Variants in TTC7B observed in about 807,000 individuals in gnomAD.
TTC7B encodes the protein tetratricopeptide repeat protein 7B.
In TTC7B, 28 loss-of-function variants were observed where a neutral mutation model predicts 106.8. The ratio of observed to expected loss-of-function variants is 0.26; its 90% confidence interval spans 0.19 to 0.36. TTC7B has a LOEUF of 0.36. TTC7B is among the 10% of genes least tolerant of loss of function. The pLI is 1.00. For synonymous variants in TTC7B, 405 were observed against 430.6 expected, an observed-to-expected ratio of 0.94 and a Z score of 0.74; for missense variants, 862 against 1,076.4, an observed-to-expected ratio of 0.80 and a Z score of 2.79.
intron 5 of TTC7B, chr14:90,698,926 A>C (rs1456183032): frequency 6.4e-6 from 2 of 314,386 alleles, no homozygotes; most frequent in African/African-American, 4.5e-5. Flanking sequence ...ATGGGGACAT[A>C]GTCTACTCTT....
At chr14:90,719,386 T>A (rs1888793919) in intron 5 of TTC7B, among the ~76,000 whole-genome samples, 1 of 152,242 alleles carries the variant, frequency 6.6e-6, no homozygotes, top group African/African-American at 2.4e-5. Flanking sequence ...ACACTTCCTA[T>A]GATAAAAATG....
At chr14:90,552,486 T>G (rs1890128875) in intron 19 of TTC7B, among the ~76,000 whole-genome samples, 1 of 152,158 alleles carries the variant, frequency 6.6e-6, no homozygotes, top group South Asian at 2.1e-4. Context: ...CTCTCCCCAG[T>G]GACATGATGG....
chr14:90,715,453 C>T (rs1312463620), intron 5 of TTC7B, among the ~76,000 whole-genome samples: 2 of 152,174 alleles, frequency 1.3e-5, no homozygotes, highest in Non-Finnish European at 2.9e-5. Context: ...ACCCTCTACT[C>T]TGTAGGGTTT....
chr14:90,711,787 T>TA (rs1161593835), intron 5 of TTC7B, among the ~76,000 whole-genome samples: 2 of 152,106 alleles, frequency 1.3e-5, no homozygotes, highest in African/African-American at 4.8e-5. Flanking sequence ...AATGGTATAC[T>TA]AAAAAACTAT....
At chr14:90,654,115 A>G (rs534235851) in intron 12 of TTC7B, among the ~76,000 whole-genome samples, 1 of 152,312 alleles carries the variant, frequency 6.6e-6, no homozygotes, top group East Asian at 1.9e-4. Context: ...ACCATAAAGA[A>G]AAAATGAAGT....
intron 19 of TTC7B, among the ~76,000 whole-genome samples, chr14:90,568,408 G>T (rs545403157): frequency 6.6e-6 from 1 of 152,254 alleles, no homozygotes; most frequent in African/African-American, 2.4e-5. Flanking sequence ...GATTTTAAAT[G>T]ATTTTAGATC....
At chr14:90,562,732 C>A (rs1483122017) in intron 19 of TTC7B, among the ~76,000 whole-genome samples, 1 of 152,204 alleles carries the variant, frequency 6.6e-6, no homozygotes, top group African/African-American at 2.4e-5. Flanking sequence ...AACCATGTAA[C>A]CATATCCCAC....
At chr14:90,816,107 CT>C in intron 1 of TTC7B, 67 bp downstream of exon 1, 1 of 978,118 alleles carries the variant, frequency 1.0e-6, no homozygotes, top group Non-Finnish European at 1.2e-6. Flanking sequence ...CCGGCCGCGC[CT>C]CGGGGGCCCG....
At chr14:90,638,734 GA>G (rs934972481) in intron 15 of TTC7B, among the ~76,000 whole-genome samples, 2 of 152,172 alleles carry the variant, frequency 1.3e-5, no homozygotes, top group African/African-American at 4.8e-5. Flanking sequence ...GAGCTGATTT[GA>G]AAATTTATGT....
rs12434869 is a variant in TTC7B, at chr14:90,794,266, C to T, written c.122-7938G>A. 6.1e-3 allele frequency among the ~76,000 whole-genome samples: 843 copies of T among 138,744 alleles called. 5 individuals are homozygous for T. Among genetic ancestry groups the T allele is most frequent in the African/African-American group, 0.022 (781 of 36,070 alleles). 91.0% of individuals were successfully genotyped at this position (138,744 alleles called of 152,430 possible). A position where few individuals can be genotyped will look rare whatever the true frequency, so the allele number is the denominator to read the frequency against. On this transcript the variant is annotated intron_variant, in intron 1 of 19. Coordinates refer to ENST00000328459, the MANE Select transcript of TTC7B (RefSeq NM_001010854.2). Reference sequence around the variant, plus strand: ...ACGGAGTCTCGCTCTGTCACCAGGCCGGAGTGCTGGAGTGCAGTGGCGCAA... The same window carrying T: ...ACGGAGTCTCGCTCTGTCACCAGGCTGGAGTGCTGGAGTGCAGTGGCGCAA...
intron 5 of TTC7B, among the ~76,000 whole-genome samples, chr14:90,709,717 GA>G (rs1161986652): frequency 2.7e-5 from 4 of 150,704 alleles, no homozygotes; most frequent in East Asian, 3.9e-4. Flanking sequence ...TTCTCAACCT[GA>G]AAAAAAAGAA....
chr14:90,651,483 C>T (rs1263648821), intron 13 of TTC7B, among the ~76,000 whole-genome samples: 6 of 152,350 alleles, frequency 3.9e-5, no homozygotes, highest in Non-Finnish European at 7.3e-5. Context: ...ACCACTGTGG[C>T]TGTTTTTAGA....
intron 19 of TTC7B, among the ~76,000 whole-genome samples, chr14:90,576,538 C>A (rs1023317148): frequency 3.3e-5 from 5 of 152,200 alleles, no homozygotes; most frequent in Non-Finnish European, 7.3e-5. Flanking sequence ...TACTAGGTGC[C>A]AGGAACTCTG....
Position 90,644,154 on chromosome 14 carries a change from C to T in TTC7B, c.1645G>A (p.Ala549Thr), listed in dbSNP as rs775478530. The change falls in exon 15 of 20, where the codon GCC becomes ACC. Residue 549 changes from alanine (A) to threonine (T), a missense_variant. Transcript: ENST00000328459. Reference protein sequence around the residue: ...RQALQLQGDDANSLHLLALLL... With the variant: ...RQALQLQGDDTNSLHLLALLL... ...AGGGCAAGGAGGTGCAGGGAGTTGG[C>T]ATCGTCACCTTGAAGCTGAAGAGCT... 5 of 1,613,440 alleles carry T rather than the reference C, an allele frequency of 3.1e-6. No homozygotes were observed. In the African/African-American group the frequency reaches 6.7e-5, roughly 22 times the overall value.
chr14:90,665,616 T>C (rs1886380991), intron 9 of TTC7B, among the ~76,000 whole-genome samples: 1 of 152,218 alleles, frequency 6.6e-6, no homozygotes. Context: ...TGCATCCAAA[T>C]CCCACTGGGG....
intron 3 of TTC7B, among the ~76,000 whole-genome samples, chr14:90,779,937 A>G (rs1279375947): frequency 6.6e-6 from 1 of 152,234 alleles, no homozygotes; most frequent in African/African-American, 2.4e-5. Context: ...GTGTCAACTG[A>G]TTAGCCTTAA....
chr14:90,736,867 G>C (rs1889551215), intron 4 of TTC7B, among the ~76,000 whole-genome samples: 1 of 132,822 alleles, frequency 7.5e-6, no homozygotes, highest in Non-Finnish European at 1.5e-5. Flanking sequence ...ACTCCAGCCT[G>C]AGCAACAGAG....
chr14:90,654,306 A>T (rs1385484226), intron 12 of TTC7B, among the ~76,000 whole-genome samples: 2 of 152,228 alleles, frequency 1.3e-5, no homozygotes, highest in East Asian at 3.9e-4. Context: ...TGTTTCTGGG[A>T]TTTTTGTTTT....
rs148859637 is a variant in TTC7B at position 90,762,615 on chromosome 14, T to A, written c.446-17693A>T. On this transcript the variant is annotated intron_variant, in intron 3 of 19. Coordinates refer to ENST00000328459, the MANE Select transcript of TTC7B (RefSeq NM_001010854.2). The stretch of plus-strand genomic sequence containing the variant: ...GCTGATTTTGTCAATCAATTGCAAA[T>A]ATAGGAAGTATTGCTTCCCTTGACT... Among the ~76,000 whole-genome samples, 86 of 152,332 alleles carry A rather than the reference T, an allele frequency of 5.6e-4. 1 individual carries two copies. Among genetic ancestry groups the A allele is most frequent in the African/African-American group, 1.8e-3 (74 of 41,570 alleles).
Sources: allele counts gnomAD v4.1 joint callset (sites outside exome capture counted in the v4.1 genomes callset), GRCh38; gene constraint gnomAD v4.1.1; transcripts MANE v1.5; gene names NCBI Gene and HGNC (gene_info 2026-07-23, HGNC 2026-07-21).